KCNK2: variants seen among roughly 807,000 people sequenced by gnomAD.
The protein encoded by KCNK2 is potassium channel subfamily K member 2.
In KCNK2, 21 loss-of-function variants were observed where a neutral mutation model predicts 40.5. That is an observed-to-expected ratio of 0.52 (90% CI 0.37 to 0.75). The LOEUF (loss-of-function observed/expected upper bound fraction) is 0.75. Among genes scored for constraint, KCNK2 ranks in the 30% least tolerant of loss-of-function variants. The pLI is 0.00. For missense variants in KCNK2, 399 were observed against 531.6 expected (o/e 0.75, Z 2.45); for synonymous variants, 191 against 202.2 (o/e 0.94, Z 0.47).
intron 3 of KCNK2, among the ~76,000 whole-genome samples, chr1:215,142,205 G>T (rs1390340801): frequency 2.0e-5 from 3 of 151,870 alleles, no homozygotes; most frequent in Admixed American, 1.3e-4. Flanking sequence ...AAATCACAGT[G>T]AATTTATTTT....
chr1:215,227,808 T>A (rs1666453231), intron 6 of KCNK2, among the ~76,000 whole-genome samples: 1 of 151,954 alleles, frequency 6.6e-6, no homozygotes, highest in African/African-American at 2.4e-5. Flanking sequence ...AAGAGGTAAA[T>A]AAGCAAGAAT....
At chr1:215,045,258 C>T (rs924543075) in intron 1 of KCNK2, among the ~76,000 whole-genome samples, 2 of 151,080 alleles carry the variant, frequency 1.3e-5, no homozygotes, top group Non-Finnish European at 2.9e-5. Flanking sequence ...GAGTTAAAGG[C>T]AACTTTGGGA....
intron 2 of KCNK2, among the ~76,000 whole-genome samples, chr1:215,095,099 G>T (rs373814704): frequency 6.6e-6 from 1 of 151,882 alleles, no homozygotes; most frequent in Non-Finnish European, 1.5e-5. Context: ...TATATTCCAC[G>T]TTTGTGTATT....
chr1:215,007,025 A>ATGTGTGTGTGTGTGTGTGTGTG (rs1164769909), intron 1 of KCNK2, among the ~76,000 whole-genome samples: 4 of 32,032 alleles, frequency 1.2e-4, no homozygotes, highest in Non-Finnish European at 1.8e-4. Context: ...ATATATATAT[A>ATGTGTGTGTGTGTGTGTGTGTG]TATATATATA....
intron 2 of KCNK2, among the ~76,000 whole-genome samples, chr1:215,088,030 T>G (rs1659522830): frequency 2.0e-5 from 3 of 152,246 alleles, no homozygotes; most frequent in Admixed American, 2.0e-4. Context: ...TCTCTATGAT[T>G]TTTAGATGAT....
chr1:215,142,491 AG>A (rs1248753608), intron 3 of KCNK2, among the ~76,000 whole-genome samples: 1 of 152,180 alleles, frequency 6.6e-6, no homozygotes, highest in African/African-American at 2.4e-5. Flanking sequence ...AAAACTGAAC[AG>A]CAAAATAGAC....
chr1:215,007,180 TGTGG>T (rs1305069811), intron 1 of KCNK2, among the ~76,000 whole-genome samples: 931 of 71,844 alleles, frequency 0.013, 33 homozygotes, highest in Middle Eastern at 0.036. Context: ...TATGTATGTG[TGTGG>T]GTATATATAT....
At chr1:215,159,863 T>C (rs888622401) in intron 3 of KCNK2, among the ~76,000 whole-genome samples, 2 of 152,182 alleles carry the variant, frequency 1.3e-5, no homozygotes, top group African/African-American at 4.8e-5. Flanking sequence ...GCTAATATCA[T>C]ATATACCCAG....
At position 215,156,227 on chromosome 1, in the gene KCNK2, G is replaced by T. The variant is rs149971390; in HGVS notation, c.476-12972G>T. Among the ~76,000 whole-genome samples, 130 of 152,216 alleles carry T rather than the reference G, an allele frequency of 8.5e-4. 1 individual carries two copies. Among genetic ancestry groups the T allele is most frequent in the African/African-American group, 3.0e-3 (124 of 41,528 alleles). On this transcript the variant is annotated intron_variant, in intron 3 of 6. Coordinates refer to ENST00000444842, the MANE Select transcript of KCNK2 (RefSeq NM_001017425.3). ...TTGATGGGAATTTTATTTATTTGTG[G>T]TGTTATTAAGTTCTGATCATAAAAA...
chr1:215,032,380 C>T (rs1004906169), intron 1 of KCNK2, among the ~76,000 whole-genome samples: 1 of 151,950 alleles, frequency 6.6e-6, no homozygotes, highest in Non-Finnish European at 1.5e-5. Flanking sequence ...TGTACTCCAG[C>T]CTGGGTGACA....
At chr1:215,054,445 A>G (rs1484289391) in intron 1 of KCNK2, among the ~76,000 whole-genome samples, 1 of 152,216 alleles carries the variant, frequency 6.6e-6, no homozygotes, top group Admixed American at 6.5e-5. Flanking sequence ...TCACATGAGT[A>G]TAAAAGGTGC....
At chr1:215,165,729 C>A (rs1173222846) in intron 3 of KCNK2, among the ~76,000 whole-genome samples, 1 of 151,926 alleles carries the variant, frequency 6.6e-6, no homozygotes, top group African/African-American at 2.4e-5. Context: ...GTGATGGTTC[C>A]AGGAATGGCT....
In KCNK2 at chr1:215,182,370, T is replaced by C. The variant is rs61818348; in HGVS notation, c.823+10187T>C. Among the ~76,000 whole-genome samples, 1,483 of 152,044 alleles carry C rather than the reference T, an allele frequency of 9.8e-3. 25 individuals are homozygous for C. The highest frequency in any genetic ancestry group is 0.061 in the South Asian group (293 of 4,802). ...CACAACAATCTATGTCCAGGAAGCA[T>C]TGGGAAGCTTAGGCTGCTGAGCCAG... On this transcript the variant is annotated intron_variant, in intron 5 of 6. Transcript: ENST00000444842.
intron 1 of KCNK2, among the ~76,000 whole-genome samples, chr1:215,055,948 GTTAGGCTTTAAAAATT>G (rs1437936604): frequency 1.3e-5 from 2 of 152,134 alleles, no homozygotes; most frequent in African/African-American, 4.8e-5. Context: ...TAAAGTCAAA[GTTAGGCTTTAAAAATT>G]TAAAGCCTAA....
At chr1:215,007,187 A>ATATATATATGTATATG (rs1656204587) in intron 1 of KCNK2, among the ~76,000 whole-genome samples, 5 of 8,960 alleles carry the variant, frequency 5.6e-4, no homozygotes, top group African/African-American at 1.9e-3. Context: ...GTGTGTGGGT[A>ATATATATATGTATATG]TATATATATA....
Position 215,172,193 on chromosome 1 carries a change from T to C in KCNK2, c.823+10T>C. 6.2e-7 allele frequency: 1 copy of C among 1,606,876 alleles called. No homozygotes were observed. On this transcript the variant is annotated intron_variant, in intron 5 of 6. Coordinates refer to ENST00000444842, the MANE Select transcript of KCNK2 (RefSeq NM_001017425.3). ...GGTGACTACGTTGCAGGTAAGCTTT[T>C]CCTGGCATCCATGTTACTCTTCTAA...
rs549913201 is a variant in KCNK2 at position 215,139,666 on chromosome 1, C to G, written c.475+14916C>G. ...GACTTGGTGGTGCATGCCTGCAATC[C>G]CAGCTATTTGGGGGACTGAGGCAGG... On this transcript the variant is annotated intron_variant, in intron 3 of 6. Coordinates refer to ENST00000444842, the MANE Select transcript of KCNK2 (RefSeq NM_001017425.3). Among the ~76,000 whole-genome samples, 190 of 152,062 alleles carry G rather than the reference C, an allele frequency of 1.2e-3. 6 individuals are homozygous for G. In the South Asian group the frequency reaches 0.039, roughly 31 times the overall value.
At chr1:215,148,947 G>C (rs943143444) in intron 3 of KCNK2, among the ~76,000 whole-genome samples, 1 of 152,122 alleles carries the variant, frequency 6.6e-6, no homozygotes, top group East Asian at 1.9e-4. Context: ...TTTTTTCAGC[G>C]AGTAATGATG....
chr1:215,184,544 C>T (rs1042859590), intron 5 of KCNK2, among the ~76,000 whole-genome samples: 1 of 152,136 alleles, frequency 6.6e-6, no homozygotes, highest in Non-Finnish European at 1.5e-5. Context: ...CATAGTTCAA[C>T]ATGGTTGGGG....
Sources: gnomAD v4.1 joint callset for allele counts (sites outside exome capture counted in the v4.1 genomes callset) on GRCh38, gnomAD v4.1.1 for gene constraint, MANE v1.5 for transcripts, NCBI Gene and HGNC (gene_info 2026-07-23, HGNC 2026-07-21) for gene names.